FAM50B: variants seen among roughly 807,000 people sequenced by gnomAD.
The protein encoded by FAM50B is protein FAM50B.
Under a neutral mutation model 25.4 loss-of-function variants are expected in FAM50B, and 9 were observed. That is an observed-to-expected ratio of 0.35 (90% confidence interval 0.21 to 0.62). The LOEUF (loss-of-function observed/expected upper bound fraction) is 0.62, where lower values mean the gene tolerates loss of function less well. Ranked by LOEUF, FAM50B falls within the 20% of genes least tolerant of loss-of-function variation. The pLI, the probability that FAM50B is intolerant of heterozygous loss-of-function variation, is 0.73. For synonymous variants in FAM50B, 212 were observed against 204.3 expected (o/e 1.04, Z -0.32); for missense variants, 372 against 477.9 (o/e 0.78, Z 2.07).
At chr6:3,849,629 C>T (rs1762173576) in intron 1 of FAM50B, 143 bp downstream of exon 1, 2 of 1,062,150 alleles carry the variant, frequency 1.9e-6, no homozygotes, top group Admixed American at 6.1e-5. Context: ...GAAATTGGTG[C>T]CTGGTGACAC....
rs1762217764 is a variant in FAM50B at position 3,851,155 on chromosome 6, T to C, written c.*366T>C. 3.8e-6 allele frequency: 1 copy of C among 261,546 alleles called. No homozygotes were observed. Among genetic ancestry groups the C allele is most frequent in the Non-Finnish European group, 7.9e-6 (1 of 126,544 alleles). 16.2% of individuals were successfully genotyped at this position (261,546 alleles called of 1,614,324 possible). On this transcript the variant is annotated 3_prime_UTR_variant, in exon 2 of 2. Coordinates refer to ENST00000648326, the MANE Select transcript of FAM50B (RefSeq NM_012135.3). ...TTTGATTCCCGACACAGCCTCCTCC[T>C]TGCTGTGTAGTTTTGGGTAAGCTTA...
At chr6:3,841,236 G>C in the FAM50B span, among the ~76,000 whole-genome samples, 1 of 152,212 alleles carries the variant, frequency 6.6e-6, no homozygotes, top group South Asian at 2.1e-4. Flanking sequence ...AACCCTAAAA[G>C]TGATGAGCCA....
chr6:3,849,756 C>G, intron 1 of FAM50B, 33 bp from the exon 2 acceptor site: 1 of 1,531,558 alleles, frequency 6.5e-7, no homozygotes, highest in Non-Finnish European at 8.8e-7. Context: ...GTGGGCCCCC[C>G]TCTACCTGCC....
rs1762205064 is a variant in FAM50B at position 3,850,671 on chromosome 6, C to T, written c.860C>T (p.Ser287Leu). 2 of 1,614,114 alleles carry T rather than the reference C, an allele frequency of 1.2e-6. No homozygotes were observed. The highest frequency in any genetic ancestry group is 2.2e-5 in the East Asian group (1 of 44,856). ...LSDATMEKDE[S>L]HAGKVVLRSW... ...GACGCCACCATGGAGAAGGACGAGT[C>T]GCACGCGGGCAAGGTGGTGCTGCGC... The change falls in exon 2 of 2, where the codon TCG becomes TTG. Residue 287 changes from serine to leucine, a missense_variant. By Grantham distance (145) the Ser-to-Leu change is moderately radical. Around this residue, in one of 4 missense-constraint regions of FAM50B, gnomAD observed 57 missense variants for 65.8 expected, o/e 0.87. Coordinates refer to ENST00000648326, the MANE Select transcript of FAM50B (RefSeq NM_012135.3).
Position 3,850,113 on chromosome 6 carries a change from AGGAGCGGCAGCG to A in FAM50B, c.308_319del (p.Arg103_Glu106del). 1 of 1,609,094 alleles carries A rather than the reference AGGAGCGGCAGCG, an allele frequency of 6.2e-7. No homozygotes were observed. Among genetic ancestry groups the A allele is most frequent in the South Asian group, 1.1e-5 (1 of 90,774 alleles). On this transcript the variant is annotated inframe_deletion, in exon 2 of 2. Transcript: ENST00000648326. Reference sequence around the variant, plus strand: ...CACCTGGAGGAGCAGCGGCTGCAGCAGGAGCGGCAGCGGGAGCAGGAGCAGCGGCGCGAGCGC... The same window carrying A: ...CACCTGGAGGAGCAGCGGCTGCAGCAGGAGCAGGAGCAGCGGCGCGAGCGC...
At chr6:3,838,694 T>C in the FAM50B span, among the ~76,000 whole-genome samples, 1 of 151,786 alleles carries the variant, frequency 6.6e-6, no homozygotes, top group East Asian at 1.9e-4. Flanking sequence ...TACAAAAAAT[T>C]AGCAGGCATG....
chr6:3,849,811 C>T lies in FAM50B; in HGVS notation c.-1C>T. The T allele has an allele frequency of 6.2e-7, 1 of 1,601,778 alleles. No homozygotes were observed. Among genetic ancestry groups the T allele is most frequent in the Non-Finnish European group, 8.5e-7 (1 of 1,172,544 alleles). ...CAGAGCCCATCGGGTAGGCGCGGGCCATGGCGCAGTACAAGGGCACCATGC... is the reference window on the plus strand; with the variant it reads ...CAGAGCCCATCGGGTAGGCGCGGGCTATGGCGCAGTACAAGGGCACCATGC... On this transcript the variant is annotated 5_prime_UTR_variant, in exon 2 of 2. Transcript: ENST00000648326.
At chr6:3,839,868 G>A in the FAM50B span, among the ~76,000 whole-genome samples, 1 of 152,140 alleles carries the variant, frequency 6.6e-6, no homozygotes, top group East Asian at 1.9e-4. Flanking sequence ...ACATAGGGCC[G>A]GGAGCGGTGG....
Position 3,850,024 on chromosome 6 carries a change from C to G in FAM50B, c.213C>G (p.Asn71Lys), listed in dbSNP as rs1377986331. The G allele has an allele frequency of 6.2e-7, 1 of 1,613,500 alleles. No homozygotes were observed. The change falls in exon 2 of 2, where the codon AAC becomes AAG. Residue 71 changes from asparagine to lysine, a missense_variant. By Grantham distance (94) the Asn-to-Lys change is moderately conservative. This residue lies in a region of FAM50B where 64 missense variants were observed against 118.3 expected (regional missense o/e 0.54). Transcript: ENST00000648326. ...KSSTVGLVTL[N>K]DMKARQEALV... ...GCACGGTGGGCCTGGTGACCCTGAACGACATGAAGGCCCGGCAGGAGGCCC... is the reference window on the plus strand; with the variant it reads ...GCACGGTGGGCCTGGTGACCCTGAAGGACATGAAGGCCCGGCAGGAGGCCC...
At chr6:3,848,338 G>A (rs540349314), upstream of FAM50B, among the ~76,000 whole-genome samples, 1 of 152,310 alleles carries the variant, frequency 6.6e-6, no homozygotes, top group South Asian at 2.1e-4. Flanking sequence ...GGCAAGTGGT[G>A]GGGAATGGGA....
the FAM50B span, chr6:3,833,632 G>C: frequency 6.6e-6 from 1 of 152,110 alleles, no homozygotes; most frequent in Non-Finnish European, 1.5e-5. Flanking sequence ...TCATTTCCCT[G>C]GCTACGAGGA....
At position 3,850,060 on chromosome 6, in the gene FAM50B, G is replaced by A. The variant is rs1335520515; in HGVS notation, c.249G>A (p.Glu83=). The change falls in exon 2 of 2, where the codon GAG becomes GAA. Residue 83 remains glutamate (E), a synonymous_variant. Transcript: ENST00000648326. ...CCCGGCAGGAGGCCCTGGTCAGGGA[G>A]CGCGAGCGGCAGCTGGCCAAGCGCC... is the stretch of plus-strand genomic sequence containing the variant. The part of the protein sequence containing the change: ...MKARQEALVR[E]RERQLAKRQH... 2 of 1,611,832 alleles carry A rather than the reference G, an allele frequency of 1.2e-6. No homozygotes were observed. The highest frequency in any genetic ancestry group is 1.7e-6 in the Non-Finnish European group (2 of 1,179,162).
the FAM50B span, among the ~76,000 whole-genome samples, chr6:3,841,636 G>A: frequency 1.3e-5 from 2 of 152,296 alleles, no homozygotes; most frequent in South Asian, 4.1e-4. Flanking sequence ...TGTCTTCAGG[G>A]TTCCCCAAGA....
chr6:3,832,185 A>C, the FAM50B span, among the ~76,000 whole-genome samples: 1 of 152,190 alleles, frequency 6.6e-6, no homozygotes, highest in African/African-American at 2.4e-5. Context: ...AACAACTTTA[A>C]AATTTTTCTT....
chr6:3,844,640 G>A (rs9503762), upstream of FAM50B, among the ~76,000 whole-genome samples: 196 of 152,214 alleles, frequency 1.3e-3, 1 homozygote, highest in African/African-American at 4.5e-3. Flanking sequence ...GAACCCAGCC[G>A]GCGGAGGTTG....
upstream of FAM50B, among the ~76,000 whole-genome samples, chr6:3,846,647 C>A (rs1468015415): frequency 6.6e-6 from 1 of 152,220 alleles, no homozygotes; most frequent in African/African-American, 2.4e-5. Context: ...TTCTTCCAAA[C>A]TTCTGTTAAT....
chr6:3,850,223 C>T lies in FAM50B; in HGVS notation c.412C>T (p.Arg138Cys), dbSNP rs373712054. ...CCAGGCCGACGCGGCCGAGGCCAGG[C>T]GCGCCGGAAACCTGGGCAAGAACCC... ...DDQADAAEAR[R>C]AGNLGKNPDV... Residue 138 changes from arginine (R) to cysteine (C), a missense_variant, in exon 2 of 2, where the codon CGC (arginine) becomes TGC (cysteine). By Grantham distance (180) the Arg-to-Cys change is radical. This residue lies in a region of FAM50B where 224 missense variants were observed against 232.2 expected (regional missense o/e 0.96). Coordinates refer to ENST00000648326, the MANE Select transcript of FAM50B (RefSeq NM_012135.3). The T allele has an allele frequency of 3.7e-6, 6 of 1,613,150 alleles. No individual in the cohort carries two copies. In the African/African-American group the frequency reaches 5.3e-5, roughly 14 times the overall value.
Position 3,850,730 on chromosome 6 carries a change from G to A in FAM50B, c.919G>A (p.Ala307Thr), listed in dbSNP as rs756594284. 4.3e-6 allele frequency: 7 copies of A among 1,613,874 alleles called. No homozygotes were observed. The East Asian group carries it at 6.7e-5, about 15-fold the overall frequency. Residue 307 changes from alanine to threonine, a missense_variant, in exon 2 of 2, where the codon GCC becomes ACC. Physicochemically the swap from Ala to Thr is moderately conservative, Grantham distance 58 (BLOSUM62 0). Transcript: ENST00000648326. Reference protein sequence around the residue: ...WYEKNKHIFPASRWEAYDPEK... With the variant: ...WYEKNKHIFPTSRWEAYDPEK... ...CGAGAAGAACAAGCACATCTTCCCC[G>A]CCAGCCGCTGGGAGGCCTATGACCC...
In FAM50B at chr6:3,850,585, G is replaced by T; in HGVS notation, c.774G>T (p.Ala258=). The T allele has an allele frequency of 6.2e-7, 1 of 1,614,120 alleles. No homozygotes were observed. Among genetic ancestry groups the T allele is most frequent in the Non-Finnish European group, 8.5e-7 (1 of 1,180,038 alleles). Residue 258 remains alanine, a synonymous_variant, in exon 2 of 2, where the codon GCG becomes GCT. Coordinates refer to ENST00000648326, the MANE Select transcript of FAM50B (RefSeq NM_012135.3). ...HTFYDFIIAR[A]RGKSGPLFSF... ...TCTACGACTTCATCATCGCCAGGGCGAGGGGCAAGAGCGGGCCGCTCTTCA... is the reference window on the plus strand; with the variant it reads ...TCTACGACTTCATCATCGCCAGGGCTAGGGGCAAGAGCGGGCCGCTCTTCA...
Sources: gnomAD v4.1 joint callset for allele counts (sites outside exome capture counted in the v4.1 genomes callset) on GRCh38, gnomAD v4.1.1 for gene constraint, gnomAD v4.1.1 regional missense constraint, MANE v1.5 for transcripts, NCBI Gene and HGNC (gene_info 2026-07-23, HGNC 2026-07-21) for gene names.